DSCAM: variants seen among roughly 807,000 people sequenced by gnomAD.
The protein encoded by DSCAM is DS cell adhesion molecule.
DSCAM carries 47 observed loss-of-function variants against 217.7 expected under a neutral mutation model. The observed-to-expected ratio is 0.22, with a 90% CI of 0.17 to 0.28. The LOEUF is 0.28. DSCAM is among the 10% of genes least tolerant of loss of function. The probability of loss-of-function intolerance (pLI) is 1.00; values close to 1 mark genes in which losing one functional copy is unlikely to be tolerated. For missense variants in DSCAM, 2,080 were observed against 2,618.3 expected (o/e 0.79, Z 4.49); for synonymous variants, 1,056 against 1,015.3 (o/e 1.04, Z -0.76).
At chr21:40,393,989 T>G (rs1258012917) in intron 3 of DSCAM, among the ~76,000 whole-genome samples, 2 of 152,266 alleles carry the variant, frequency 1.3e-5, no homozygotes, top group African/African-American at 4.8e-5. Context: ...GATATTTTTC[T>G]GCATTTCTAA....
intron 14 of DSCAM, among the ~76,000 whole-genome samples, chr21:40,183,516 G>C (rs1188114666): frequency 2.0e-5 from 3 of 152,212 alleles, no homozygotes; most frequent in African/African-American, 4.8e-5. Flanking sequence ...ACAAGGACTT[G>C]GGGTGTTCAG....
chr21:40,432,212 A>T (rs1283330277), intron 3 of DSCAM, among the ~76,000 whole-genome samples: 1 of 49,800 alleles, frequency 2.0e-5, no homozygotes, highest in African/African-American at 5.6e-5. Flanking sequence ...TAATAATAAA[A>T]AATAAATATA....
At chr21:40,665,500 A>T (rs1458307500) in intron 3 of DSCAM, among the ~76,000 whole-genome samples, 2 of 152,058 alleles carry the variant, frequency 1.3e-5, no homozygotes, top group Non-Finnish European at 2.9e-5. Context: ...TTCTTTAACC[A>T]ATCTAAAGGA....
At chr21:40,791,985 T>G (rs2091648910) in intron 1 of DSCAM, among the ~76,000 whole-genome samples, 1 of 152,006 alleles carries the variant, frequency 6.6e-6, no homozygotes, top group Non-Finnish European at 1.5e-5. Context: ...CAACAGAAAT[T>G]TGCTTCTCAC....
At chr21:40,051,907 G>A in intron 30 of DSCAM, 51 bp downstream of exon 30, 1 of 1,559,322 alleles carries the variant, frequency 6.4e-7, no homozygotes, top group Non-Finnish European at 8.7e-7. Flanking sequence ...ACATTACTAT[G>A]TTTTCAGCAT....
intron 3 of DSCAM, among the ~76,000 whole-genome samples, chr21:40,450,442 T>G (rs1286996339): frequency 6.6e-6 from 1 of 152,172 alleles, no homozygotes; most frequent in Non-Finnish European, 1.5e-5. Context: ...CTCAGCACTT[T>G]GCTTTCAGTA....
intron 20 of DSCAM, among the ~76,000 whole-genome samples, chr21:40,096,602 CA>C (rs2089680930): frequency 1.3e-5 from 2 of 150,504 alleles, no homozygotes; most frequent in Non-Finnish European, 3.0e-5. Flanking sequence ...GAGACAGGAC[CA>C]AAAAAAGGTT....
intron 28 of DSCAM, among the ~76,000 whole-genome samples, chr21:40,061,221 C>A (rs1027542935): frequency 1.3e-5 from 2 of 152,210 alleles, no homozygotes; most frequent in African/African-American, 4.8e-5. Context: ...CTGCCTCTAT[C>A]TTCCTAATCT....
At chr21:40,301,584 A>G (rs1001059268) in intron 9 of DSCAM, among the ~76,000 whole-genome samples, 5 of 110,944 alleles carry the variant, frequency 4.5e-5, no homozygotes, top group African/African-American at 3.0e-4. Context: ...TGAGGCCTTA[A>G]TTACTTACCA....
rs184891602 is a variant in DSCAM, at chr21:40,440,316, C to T, written c.509-71071G>A. 2.6e-5 allele frequency among the ~76,000 whole-genome samples: 4 copies of T among 152,272 alleles called. No homozygotes were observed. In the East Asian group the frequency reaches 7.7e-4, roughly 29 times the overall value. On this transcript the variant is annotated intron_variant, in intron 3 of 32. Coordinates refer to ENST00000400454, the MANE Select transcript of DSCAM (RefSeq NM_001389.5). ...GCCTGAGTCTTGGCTGTGTGTGACA[C>T]TGAGCAACACAGCCTCAGGGCTACC...
At chr21:40,688,053 G>A (rs2090501275) in intron 3 of DSCAM, among the ~76,000 whole-genome samples, 1 of 152,178 alleles carries the variant, frequency 6.6e-6, no homozygotes, top group African/African-American at 2.4e-5. Context: ...CCTTCGACCT[G>A]AACTCAATGA....
intron 4 of DSCAM, among the ~76,000 whole-genome samples, chr21:40,358,524 T>G (rs2074720676): frequency 6.6e-6 from 1 of 152,018 alleles, no homozygotes; most frequent in Admixed American, 6.6e-5. Context: ...AATTAAGAAC[T>G]GGCCCAGTGC....
chr21:40,156,150 A>G (rs1235544974), intron 16 of DSCAM, among the ~76,000 whole-genome samples: 1 of 151,926 alleles, frequency 6.6e-6, no homozygotes, highest in African/African-American at 2.4e-5. Context: ...AAGTATGGAG[A>G]CAAACTGAGT....
intron 9 of DSCAM, among the ~76,000 whole-genome samples, chr21:40,299,212 G>A (rs1277044490): frequency 2.0e-5 from 3 of 152,170 alleles, no homozygotes; most frequent in Non-Finnish European, 1.5e-5. Context: ...GATATACCAT[G>A]CAACTTGAGA....
rs974438392 is a variant in DSCAM at position 40,818,930 on chromosome 21, A to T, written c.43+27689T>A. Reference sequence around the variant, plus strand: ...AAGAGCTTTTTCTGGCTTTAAAATAAAATTTAGATCTGAAGTACAAATGTA... The same window carrying T: ...AAGAGCTTTTTCTGGCTTTAAAATATAATTTAGATCTGAAGTACAAATGTA... On this transcript the variant is annotated intron_variant, in intron 1 of 32. Coordinates refer to ENST00000400454, the MANE Select transcript of DSCAM (RefSeq NM_001389.5). 2.6e-5 allele frequency among the ~76,000 whole-genome samples: 4 copies of T among 152,210 alleles called. No individual in the cohort carries two copies. The East Asian group carries it at 7.7e-4, about 29-fold the overall frequency.
intron 1 of DSCAM, among the ~76,000 whole-genome samples, chr21:40,735,732 A>G (rs1391255323): frequency 6.6e-6 from 1 of 152,268 alleles, no homozygotes; most frequent in Non-Finnish European, 1.5e-5. Flanking sequence ...TGACAGAGTC[A>G]TGATTCAAAC....
chr21:40,021,226 A>G (rs13051817), intron 32 of DSCAM, among the ~76,000 whole-genome samples: 2 of 149,908 alleles, frequency 1.3e-5, no homozygotes, highest in Non-Finnish European at 3.0e-5. Context: ...AAAAAAAAAA[A>G]GAAAAGAAAC....
intron 11 of DSCAM, among the ~76,000 whole-genome samples, chr21:40,242,741 A>G (rs1327178242): frequency 1.3e-5 from 2 of 152,212 alleles, no homozygotes; most frequent in Non-Finnish European, 2.9e-5. Flanking sequence ...CTGAGCCCAC[A>G]ATAAGCAGAT....
At chr21:40,484,202 G>A (rs771104585) in intron 3 of DSCAM, among the ~76,000 whole-genome samples, 8 of 152,146 alleles carry the variant, frequency 5.3e-5, no homozygotes, top group Non-Finnish European at 1.0e-4. Context: ...ATATTTCACC[G>A]TCTCAAATAT....
Sources: gnomAD v4.1 joint callset for allele counts (sites outside exome capture counted in the v4.1 genomes callset) on GRCh38, gnomAD v4.1.1 for gene constraint, MANE v1.5 for transcripts, NCBI Gene and HGNC (gene_info 2026-07-23, HGNC 2026-07-21) for gene names.